The following ST7L variants were observed in gnomAD, a reference collection of about 807,000 sequenced individuals.
The protein encoded by ST7L is suppressor of tumorigenicity 7 protein-like.
A neutral mutation model predicts 72.5 loss-of-function variants in ST7L; 57 were observed. The observed-to-expected ratio is 0.79, with a 90% CI of 0.64 to 0.98. The LOEUF is 0.98. ST7L is among the 50% of genes least tolerant of loss of function. The pLI, the probability that ST7L is intolerant of heterozygous loss-of-function variation, is 0.00. For missense variants in ST7L, 576 were observed against 672.2 expected (o/e 0.86, Z 1.58); for synonymous variants, 221 against 240.9 (o/e 0.92, Z 0.77).
chr1:112,609,244 C>G (rs1269640865), intron 3 of ST7L, among the ~76,000 whole-genome samples: 1 of 152,076 alleles, frequency 6.6e-6, no homozygotes, highest in Non-Finnish European at 1.5e-5. Flanking sequence ...TATTTGCTTT[C>G]TAGCTGGCCA....
intron 11 of ST7L, among the ~76,000 whole-genome samples, chr1:112,566,386 C>T (rs1384257806): frequency 6.7e-6 from 1 of 149,810 alleles, no homozygotes; most frequent in Non-Finnish European, 1.5e-5. Flanking sequence ...CAACCTCCAC[C>T]TCCTGGGTTC....
chr1:112,572,672 T>C (rs1662337599), intron 11 of ST7L, among the ~76,000 whole-genome samples: 1 of 152,008 alleles, frequency 6.6e-6, no homozygotes, highest in Non-Finnish European at 1.5e-5. Flanking sequence ...GGCCAGGAGT[T>C]CAAGACCAGT....
chr1:112,542,690 G>C (rs1656321097), intron 13 of ST7L, among the ~76,000 whole-genome samples: 1 of 151,996 alleles, frequency 6.6e-6, no homozygotes. Context: ...AGGAGTTTGA[G>C]GCTGCAGTGA....
At chr1:112,546,718 A>G (rs1469605929) in intron 13 of ST7L, among the ~76,000 whole-genome samples, 1 of 152,138 alleles carries the variant, frequency 6.6e-6, no homozygotes, top group Non-Finnish European at 1.5e-5. Context: ...CTGATAACCC[A>G]GTGTTCTTCC....
At position 112,574,527 on chromosome 1, in the gene ST7L, C is replaced by T. The variant is rs576269243; in HGVS notation, c.1245+2459G>A. 1.1e-4 allele frequency among the ~76,000 whole-genome samples: 17 copies of T among 151,400 alleles called. No individual in the cohort carries two copies. The East Asian group carries it at 1.6e-3, about 14-fold the overall frequency. On this transcript the variant is annotated intron_variant, in intron 11 of 14. Coordinates refer to ENST00000358039, the MANE Select transcript of ST7L (RefSeq NM_017744.5). ...ACAAAAAATTAGCCAGGCGTGGTGG[C>T]GGGCGCCTGCAGTCTCAGCTACTTG...
Position 112,597,963 on chromosome 1 carries a change from A to C in ST7L, c.622+8T>G, listed in dbSNP as rs1666730480. 4.4e-6 allele frequency: 7 copies of C among 1,594,468 alleles called. No individual in the cohort carries two copies. The highest frequency in any genetic ancestry group is 6.0e-6 in the Non-Finnish European group (7 of 1,163,224). Reference sequence around the variant, plus strand: ...ACTGTTTATACTATGAACAGATATGATACATACCTGTGTCTGAAGGACGTA... The same window carrying C: ...ACTGTTTATACTATGAACAGATATGCTACATACCTGTGTCTGAAGGACGTA... On this transcript the variant is annotated splice_region_variant and intron_variant, in intron 5 of 14. Transcript: ENST00000358039.
At chr1:112,526,279 GACC>G (rs776747305) in intron 14 of ST7L, 168 bp from the exon 15 acceptor site, 10 of 781,610 alleles carry the variant, frequency 1.3e-5, no homozygotes, top group East Asian at 1.3e-4. Flanking sequence ...AGTACCATGT[GACC>G]ACTATACAAC....
At chr1:112,606,134 G>T (rs1342158625) in intron 3 of ST7L, among the ~76,000 whole-genome samples, 1 of 152,112 alleles carries the variant, frequency 6.6e-6, no homozygotes, top group Non-Finnish European at 1.5e-5. Context: ...AAGTGCACAC[G>T]TGATATCAAA....
chr1:112,618,805 C>A, intron 1 of ST7L, 104 bp downstream of exon 1: 1 of 1,478,342 alleles, frequency 6.8e-7, no homozygotes, highest in Non-Finnish European at 9.0e-7. Context: ...TCATCGACTC[C>A]TCAGAGGCCC....
At chr1:112,519,625 T>G (rs115242018), downstream of ST7L, among the ~76,000 whole-genome samples, 452 of 152,266 alleles carry the variant, frequency 3.0e-3, 4 homozygotes, top group African/African-American at 9.6e-3. Flanking sequence ...GGGATAATGC[T>G]TAGGGATAAT....
At chr1:112,611,678 G>A (rs554152634) in intron 2 of ST7L, among the ~76,000 whole-genome samples, 28 of 152,214 alleles carry the variant, frequency 1.8e-4, no homozygotes, top group Non-Finnish European at 3.2e-4. Flanking sequence ...GGTGGTTCAC[G>A]TCTGTAATTC....
Position 112,618,953 on chromosome 1 carries a change from T to C in ST7L, c.161A>G (p.Tyr54Cys). Residue 54 changes from tyrosine (Y) to cysteine (C), a missense_variant, in exon 1 of 15, where the codon TAC becomes TGC. Transcript: ENST00000358039. ...LWFVAGLGLL[Y>C]ALRIPLRLCE... ...CAGCCTCAAAGGGATCCTCAGGGCG[T>C]AAAGCAGCCCCAGCCCCGCCACGAA... The C allele has an allele frequency of 6.3e-7, 1 of 1,592,954 alleles. No individual in the cohort carries two copies.
rs201126078 is a variant in ST7L, at chr1:112,523,998, TAAAAAAA to T, written c.*2008_*2014del. On this transcript the variant is annotated 3_prime_UTR_variant, in exon 15 of 15. Coordinates refer to ENST00000358039, the MANE Select transcript of ST7L (RefSeq NM_017744.5). ...AAAAATAAAATCAGGGGCTTCAGAT[TAAAAAAA>T]AAAACAAAAAACAAAAAACAAAAAC... 7.0e-6 allele frequency: 1 copy of T among 143,576 alleles called. No individual in the cohort carries two copies. The highest frequency in any genetic ancestry group is 2.2e-4 in the South Asian group (1 of 4,508). The allele number at this position is 143,576 out of a possible 1,614,324, so 8.9% of individuals were successfully genotyped here. A position where few individuals can be genotyped will look rare whatever the true frequency, so the allele number is the denominator to read the frequency against.
At chr1:112,614,366 G>A (rs932136759) in intron 2 of ST7L, among the ~76,000 whole-genome samples, 2 of 152,164 alleles carry the variant, frequency 1.3e-5, no homozygotes, top group Non-Finnish European at 2.9e-5. Context: ...ACAGGTGTAA[G>A]CCACCGTGCC....
rs142677921 is a variant in ST7L, at chr1:112,589,257, TTTTTA to T, written c.701+2263_701+2267del. 9.0e-4 allele frequency among the ~76,000 whole-genome samples: 137 copies of T among 152,186 alleles called. 1 individual carries two copies. Among genetic ancestry groups the T allele is most frequent in the African/African-American group, 3.2e-3 (132 of 41,562 alleles). ...GGGCAGTTTCTATTAATTTCTTTTCTTTTTATTTATTTTTTGAGACAGGGTCTCTT... is the reference window on the plus strand; with the variant it reads ...GGGCAGTTTCTATTAATTTCTTTTCTTTTATTTTTTGAGACAGGGTCTCTT... On this transcript the variant is annotated intron_variant, in intron 6 of 14. Transcript: ENST00000358039.
At chr1:112,566,200 A>G (rs1660990555) in intron 11 of ST7L, among the ~76,000 whole-genome samples, 1 of 152,042 alleles carries the variant, frequency 6.6e-6, no homozygotes, top group African/African-American at 2.4e-5. Context: ...TTTTAAATAC[A>G]TAGATCCTAA....
chr1:112,616,056 T>G lies in ST7L; in HGVS notation c.288+757A>C, dbSNP rs566752238. On this transcript the variant is annotated intron_variant, in intron 2 of 14. Transcript: ENST00000358039. ...CCGGCCTGTCTGGGTTCTCTTTAAA[T>G]CATTTGAAAAATTGAAAAACCTGGT... Among the ~76,000 whole-genome samples the G allele has an allele frequency of 3.3e-5, 5 of 152,270 alleles. No homozygotes were observed. In the East Asian group the frequency reaches 9.7e-4, roughly 29 times the overall value.
intron 4 of ST7L, 138 bp downstream of exon 4, chr1:112,600,655 TG>T: frequency 1.4e-6 from 1 of 734,960 alleles, no homozygotes; most frequent in Non-Finnish European, 2.3e-6. Context: ...AAATAAACTG[TG>T]GACTAATCAT....
chr1:112,608,266 A>G (rs953464374), intron 3 of ST7L, among the ~76,000 whole-genome samples: 4 of 152,052 alleles, frequency 2.6e-5, no homozygotes, highest in Non-Finnish European at 5.9e-5. Flanking sequence ...TGATCCCCTT[A>G]CCTCAGCCTC....
Sources: gnomAD v4.1 joint callset for allele counts (sites outside exome capture counted in the v4.1 genomes callset) on GRCh38, gnomAD v4.1.1 for gene constraint, MANE v1.5 for transcripts, NCBI Gene and HGNC (gene_info 2026-07-23, HGNC 2026-07-21) for gene names.